The following PITPNC1 variants were observed in gnomAD, a reference collection of about 807,000 sequenced individuals.
PITPNC1 encodes phosphatidylinositol transfer protein cytoplasmic 1.
Under a neutral mutation model 44.7 loss-of-function variants are expected in PITPNC1, and 18 were observed. The ratio of observed to expected loss-of-function variants is 0.40; its 90% confidence interval spans 0.28 to 0.60. PITPNC1 has a LOEUF of 0.60. Ranked by LOEUF, PITPNC1 falls within the 20% of genes least tolerant of loss-of-function variation. The pLI is 0.39. For synonymous variants in PITPNC1, 141 were observed against 149.6 expected, an observed-to-expected ratio of 0.94 and a Z score of 0.42; for missense variants, 290 against 418.4, an observed-to-expected ratio of 0.69 and a Z score of 2.68.
intron 1 of PITPNC1, among the ~76,000 whole-genome samples, chr17:67,390,515 C>T (rs2038122407): frequency 6.6e-6 from 1 of 152,174 alleles, no homozygotes. Flanking sequence ...GAATAAATCC[C>T]AGAATACACA....
intron 6 of PITPNC1, among the ~76,000 whole-genome samples, chr17:67,667,838 G>C (rs2042447233): frequency 6.6e-6 from 1 of 152,000 alleles, no homozygotes; most frequent in Non-Finnish European, 1.5e-5. Context: ...AAATTAGCTG[G>C]GCATGGTGGC....
intron 4 of PITPNC1, among the ~76,000 whole-genome samples, chr17:67,557,922 CAGAGCCCCAGTT>C (rs1179578522): frequency 3.9e-5 from 6 of 152,344 alleles, no homozygotes; most frequent in African/African-American, 1.4e-4. Context: ...TCCCCAAGGT[CAGAGCCCCAGTT>C]AGGATCACGG....
intron 4 of PITPNC1, among the ~76,000 whole-genome samples, chr17:67,576,157 A>G (rs1217452921): frequency 1.3e-5 from 2 of 152,112 alleles, no homozygotes; most frequent in East Asian, 1.9e-4. Flanking sequence ...GATTACAGGC[A>G]TGAGCCACCG....
At chr17:67,389,388 G>C (rs1246340347) in intron 1 of PITPNC1, among the ~76,000 whole-genome samples, 5 of 152,208 alleles carry the variant, frequency 3.3e-5, no homozygotes, top group Non-Finnish European at 5.9e-5. Flanking sequence ...GTTATTTCTT[G>C]AATCTGGAAA....
At chr17:67,442,480 G>T (rs1263815857) in intron 1 of PITPNC1, among the ~76,000 whole-genome samples, 1 of 151,052 alleles carries the variant, frequency 6.6e-6, no homozygotes, top group Non-Finnish European at 1.5e-5. Flanking sequence ...ACAAGAACAA[G>T]CATATCTTTA....
chr17:67,579,344 C>A (rs1387650681), intron 5 of PITPNC1, among the ~76,000 whole-genome samples: 4 of 152,224 alleles, frequency 2.6e-5, no homozygotes, highest in Admixed American at 1.3e-4. Context: ...AAAGGAAGAA[C>A]CTGGATCTAG....
At chr17:67,522,688 CACTT>C (rs923738012) in intron 1 of PITPNC1, among the ~76,000 whole-genome samples, 14 of 96,604 alleles carry the variant, frequency 1.4e-4, no homozygotes, top group East Asian at 9.6e-4. Context: ...AATGAGGTCT[CACTT>C]GCTTGCCCAG....
intron 5 of PITPNC1, among the ~76,000 whole-genome samples, chr17:67,583,211 T>C (rs1047644558): frequency 6.6e-6 from 1 of 152,192 alleles, no homozygotes; most frequent in East Asian, 1.9e-4. Flanking sequence ...CTGAACCTGA[T>C]ATGTTCCCTC....
At chr17:67,512,393 C>T (rs113418276) in intron 1 of PITPNC1, among the ~76,000 whole-genome samples, 1,889 of 149,464 alleles carry the variant, frequency 0.013, 34 homozygotes, top group African/African-American at 0.043. Context: ...CCCAGCTACT[C>T]GGGAGGCTGA....
chr17:67,659,731 T>C (rs1390717354), intron 6 of PITPNC1, among the ~76,000 whole-genome samples: 2 of 152,170 alleles, frequency 1.3e-5, no homozygotes, highest in African/African-American at 2.4e-5. Flanking sequence ...TTTTATTTTT[T>C]TCCAAATTCA....
intron 1 of PITPNC1, among the ~76,000 whole-genome samples, chr17:67,426,701 A>G (rs1239434432): frequency 1.3e-5 from 2 of 150,466 alleles, no homozygotes; most frequent in Non-Finnish European, 2.9e-5. Flanking sequence ...AAAACTGCTC[A>G]TTCTGCACAT....
At chr17:67,552,090 A>G (rs1413366996) in intron 2 of PITPNC1, among the ~76,000 whole-genome samples, 167 bp from the exon 3 acceptor site, 1 of 152,214 alleles carries the variant, frequency 6.6e-6, no homozygotes, top group Non-Finnish European at 1.5e-5. Context: ...ATGCACGGGA[A>G]AAAGTTAACT....
At chr17:67,573,219 A>G (rs2041087462) in intron 4 of PITPNC1, among the ~76,000 whole-genome samples, 1 of 152,150 alleles carries the variant, frequency 6.6e-6, no homozygotes, top group African/African-American at 2.4e-5. Flanking sequence ...TGGAAATGTG[A>G]GAGGAGTTGG....
chr17:67,494,424 T>G (rs1011893781), intron 1 of PITPNC1, among the ~76,000 whole-genome samples: 20 of 151,920 alleles, frequency 1.3e-4, no homozygotes, highest in Non-Finnish European at 2.6e-4. Flanking sequence ...GGTCTTGAAC[T>G]CCTGTCCTCG....
chr17:67,389,959 G>A (rs1471882627), intron 1 of PITPNC1, among the ~76,000 whole-genome samples: 1 of 152,080 alleles, frequency 6.6e-6, no homozygotes, highest in Non-Finnish European at 1.5e-5. Context: ...GATTACAGAC[G>A]CGAGCCACCG....
intron 6 of PITPNC1, among the ~76,000 whole-genome samples, chr17:67,665,957 C>G (rs1221282758): frequency 6.6e-6 from 1 of 151,974 alleles, no homozygotes; most frequent in Non-Finnish European, 1.5e-5. Flanking sequence ...TCTCTTGCCT[C>G]AGCCTCCCTA....
At chr17:67,585,858 G>A (rs561865935) in intron 5 of PITPNC1, among the ~76,000 whole-genome samples, 6 of 152,306 alleles carry the variant, frequency 3.9e-5, no homozygotes, top group African/African-American at 1.4e-4. Flanking sequence ...TAGGGAGAAG[G>A]CAGCCATCCG....
intron 1 of PITPNC1, among the ~76,000 whole-genome samples, chr17:67,387,730 G>T (rs2038075991): frequency 6.6e-6 from 1 of 152,046 alleles, no homozygotes; most frequent in Non-Finnish European, 1.5e-5. Context: ...TCTATTATCT[G>T]CCTCTCCACG....
chr17:67,383,836 T>G (rs1268023981), intron 1 of PITPNC1, among the ~76,000 whole-genome samples: 1 of 151,904 alleles, frequency 6.6e-6, no homozygotes, highest in East Asian at 1.9e-4. Flanking sequence ...GTCGGGAGTT[T>G]GAGACCAGCC....
Sources: allele counts gnomAD v4.1 joint callset (sites outside exome capture counted in the v4.1 genomes callset), GRCh38; gene constraint gnomAD v4.1.1; transcripts MANE v1.5; gene names NCBI Gene and HGNC (gene_info 2026-07-23, HGNC 2026-07-21).